Variants in MSRA observed in about 807,000 individuals in gnomAD.
The protein encoded by MSRA is methionine sulfoxide reductase A, also known as mitochondrial peptide methionine sulfoxide reductase.
MSRA carries 54 observed loss-of-function variants against 31.3 expected under a neutral mutation model. That is an observed-to-expected ratio of 1.73 (90% confidence interval 1.39 to 2.17). The LOEUF (loss-of-function observed/expected upper bound fraction) is 2.17, where lower values mean the gene tolerates loss of function less well. Among genes scored for constraint, MSRA ranks in the 30% most tolerant of loss-of-function variants. The pLI is 0.00. For missense variants in MSRA, 507 were observed against 300.9 expected (o/e 1.69, Z -5.07); for synonymous variants, 169 against 116.5 (o/e 1.45, Z -2.90).
chr8:10,349,588 G>A (rs997443129), intron 5 of MSRA, among the ~76,000 whole-genome samples: 2 of 152,176 alleles, frequency 1.3e-5, no homozygotes, highest in Non-Finnish European at 2.9e-5. Context: ...GTTCCCCTCT[G>A]GGAGCCTCCC....
intron 1 of MSRA, among the ~76,000 whole-genome samples, chr8:10,183,862 G>T (rs62488746): frequency 3.9e-4 from 59 of 151,150 alleles, no homozygotes; most frequent in Non-Finnish European, 6.6e-4. Flanking sequence ...GTTGACAGTA[G>T]TGTTGTTGGT....
chr8:10,062,649 G>T (rs1351554811), intron 1 of MSRA, among the ~76,000 whole-genome samples: 1 of 152,222 alleles, frequency 6.6e-6, no homozygotes. Context: ...AACTGTTGGA[G>T]TAATGGGGAC....
At chr8:10,302,939 G>C (rs549690354) in intron 4 of MSRA, among the ~76,000 whole-genome samples, 184 of 152,332 alleles carry the variant, frequency 1.2e-3, no homozygotes, top group Non-Finnish European at 2.1e-3. Context: ...CATGTGGGAA[G>C]GCAGGTCTGT....
At chr8:10,296,314 G>A (rs1800538981) in intron 3 of MSRA, among the ~76,000 whole-genome samples, 1 of 152,168 alleles carries the variant, frequency 6.6e-6, no homozygotes, top group Non-Finnish European at 1.5e-5. Context: ...GTCCTAATGG[G>A]GGCGGCATCC....
intron 1 of MSRA, among the ~76,000 whole-genome samples, chr8:10,145,111 A>G (rs1195248485): frequency 1.3e-5 from 2 of 152,168 alleles, no homozygotes; most frequent in East Asian, 1.9e-4. Context: ...AGAGATTGCT[A>G]TTAGCATACT....
At position 10,210,760 on chromosome 8, in the gene MSRA, G is replaced by C. The variant is rs1809405942; in HGVS notation, c.211+2859G>C. On this transcript the variant is annotated intron_variant, in intron 2 of 5. Transcript: ENST00000317173. ...TCATTTTTTTTTTTTTTGAGATGGT[G>C]TCTTACTCTGTTGCCCATGCTGGAG... Among the ~76,000 whole-genome samples, 5 of 148,948 alleles carry C rather than the reference G, an allele frequency of 3.4e-5. No individual in the cohort carries two copies. In the South Asian group the frequency reaches 1.1e-3, roughly 31 times the overall value.
rs541795777 is a variant in MSRA, at chr8:10,061,084, G to A, written c.142+6426G>A. Among the ~76,000 whole-genome samples, 5 of 152,134 alleles carry A rather than the reference G, an allele frequency of 3.3e-5. No individual in the cohort carries two copies. The South Asian group carries it at 1.0e-3, about 32-fold the overall frequency. On this transcript the variant is annotated intron_variant, in intron 1 of 5. Coordinates refer to ENST00000317173, the MANE Select transcript of MSRA (RefSeq NM_012331.5). The stretch of plus-strand genomic sequence containing the variant: ...TTTACAACCTGTTCCAGAACGTTTA[G>A]TGTTTCCCTGAAGTCCCTGGGATGA...
intron 5 of MSRA, among the ~76,000 whole-genome samples, chr8:10,340,806 C>T (rs961391312): frequency 6.6e-6 from 1 of 152,246 alleles, no homozygotes; most frequent in Non-Finnish European, 1.5e-5. Context: ...AAACTTAAAA[C>T]CTGCAAAGGC....
chr8:10,396,828 G>C (rs1341901173), intron 5 of MSRA, among the ~76,000 whole-genome samples: 10 of 152,182 alleles, frequency 6.6e-5, no homozygotes, highest in Admixed American at 5.9e-4. Context: ...TCTGGGGTAT[G>C]GCCCTTACGC....
intron 1 of MSRA, among the ~76,000 whole-genome samples, chr8:10,201,269 C>T (rs1045180168): frequency 6.6e-6 from 1 of 151,988 alleles, no homozygotes; most frequent in African/African-American, 2.4e-5. Flanking sequence ...CAGGAGCATG[C>T]GGTATGGGTT....
chr8:10,056,466 C>G (rs1563379894), intron 1 of MSRA, among the ~76,000 whole-genome samples: 2 of 151,994 alleles, frequency 1.3e-5, no homozygotes, highest in Non-Finnish European at 2.9e-5. Context: ...TCTGCTGTCT[C>G]CATATAGCTG....
At chr8:10,353,779 T>C (rs1007965081) in intron 5 of MSRA, 6 of 367,934 alleles carry the variant, frequency 1.6e-5, no homozygotes, top group African/African-American at 2.1e-5. Flanking sequence ...GAAAATTCTT[T>C]TGAATCTCAC....
chr8:10,288,248 A>ATT (rs2129113519), intron 3 of MSRA, among the ~76,000 whole-genome samples: 1 of 152,074 alleles, frequency 6.6e-6, no homozygotes, highest in African/African-American at 2.4e-5. Flanking sequence ...GTCCCCTTCC[A>ATT]TTAAATTTAA....
intron 1 of MSRA, among the ~76,000 whole-genome samples, chr8:10,190,583 C>T (rs1031563796): frequency 1.3e-5 from 2 of 152,230 alleles, no homozygotes; most frequent in Non-Finnish European, 2.9e-5. Context: ...CCTTTCATGT[C>T]TGTCTTCCTT....
chr8:10,096,410 G>T (rs930340528), intron 1 of MSRA: 5 of 465,792 alleles, frequency 1.1e-5, no homozygotes, highest in African/African-American at 1.1e-4. Context: ...AGATGTATGC[G>T]ATTAGTGAAT....
intron 3 of MSRA, among the ~76,000 whole-genome samples, chr8:10,286,501 G>A (rs1349364180): frequency 1.3e-5 from 2 of 152,246 alleles, no homozygotes; most frequent in African/African-American, 4.8e-5. Flanking sequence ...CCCCAGCCAT[G>A]TGGAACTGTA....
chr8:10,391,484 T>C (rs1448506460), intron 5 of MSRA, among the ~76,000 whole-genome samples: 1 of 152,232 alleles, frequency 6.6e-6, no homozygotes, highest in Non-Finnish European at 1.5e-5. Context: ...ACCAAAATCA[T>C]AATTTCAGTT....
intron 1 of MSRA, among the ~76,000 whole-genome samples, chr8:10,176,425 G>T (rs1806056643): frequency 6.6e-6 from 1 of 152,182 alleles, no homozygotes; most frequent in South Asian, 2.1e-4. Context: ...TGTGAGGATG[G>T]TGGACTTTGT....
chr8:10,252,973 G>C (rs1449993238), intron 3 of MSRA, among the ~76,000 whole-genome samples: 2 of 152,162 alleles, frequency 1.3e-5, no homozygotes, highest in African/African-American at 2.4e-5. Context: ...TATGCTGATA[G>C]GTAGTTCAAA....
Sources: allele counts gnomAD v4.1 joint callset (sites outside exome capture counted in the v4.1 genomes callset), GRCh38; gene constraint gnomAD v4.1.1; transcripts MANE v1.5; gene names NCBI Gene and HGNC (gene_info 2026-07-23, HGNC 2026-07-21).